ZFAT: variants seen among roughly 807,000 people sequenced by gnomAD.
The protein encoded by ZFAT is zinc finger protein ZFAT.
Under a neutral mutation model 117.7 loss-of-function variants are expected in ZFAT, and 64 were observed. That is an observed-to-expected ratio of 0.54 (90% CI 0.44 to 0.67). The LOEUF (loss-of-function observed/expected upper bound fraction) is 0.67. ZFAT is among the 30% of genes least tolerant of loss of function. The pLI is 0.00. For synonymous variants in ZFAT, 679 were observed against 615.0 expected (o/e 1.10, Z -1.54); for missense variants, 1,433 against 1,584.5 (o/e 0.90, Z 1.62).
At chr8:134,682,609 T>C (rs1476998772) in intron 1 of ZFAT, among the ~76,000 whole-genome samples, 1 of 152,214 alleles carries the variant, frequency 6.6e-6, no homozygotes, top group Non-Finnish European at 1.5e-5. Flanking sequence ...GAGCAGAGAT[T>C]GTGCCATTGC....
intron 10 of ZFAT, among the ~76,000 whole-genome samples, chr8:134,576,757 G>T (rs1360364873): frequency 6.6e-6 from 1 of 151,872 alleles, no homozygotes; most frequent in African/African-American, 2.4e-5. Flanking sequence ...AATTGAAGAA[G>T]GGACAGAAAA....
chr8:134,806,547 G>A, the ZFAT span, among the ~76,000 whole-genome samples: 1 of 152,132 alleles, frequency 6.6e-6, no homozygotes, highest in Non-Finnish European at 1.5e-5. Context: ...GACTAATGAG[G>A]ATGCTGCACA....
At chr8:134,623,585 C>T (rs1428302836) in intron 3 of ZFAT, among the ~76,000 whole-genome samples, 2 of 152,190 alleles carry the variant, frequency 1.3e-5, no homozygotes, top group African/African-American at 2.4e-5. Context: ...CTCCCCTCTG[C>T]GAACTCTGCC....
intron 1 of ZFAT, among the ~76,000 whole-genome samples, chr8:134,681,661 T>C (rs893320749): frequency 1.3e-5 from 2 of 152,244 alleles, no homozygotes; most frequent in South Asian, 2.1e-4. Flanking sequence ...CTTGTATTTA[T>C]TAACTTTAGA....
rs765950208 is a variant in ZFAT at position 134,637,626 on chromosome 8, C to T, written c.283G>A (p.Val95Met). ...STEEELAENI[V>M]SPTEDSPLAP... The stretch of plus-strand genomic sequence containing the variant: ...AGCGGGCTGTCCTCAGTCGGACTCA[C>T]GATGTTTTCTGCCAGCTCCTCTTCT... The change falls in exon 3 of 16, where the codon GTG (valine) becomes ATG (methionine). Residue 95 changes from valine (V) to methionine (M), a missense_variant. Around this residue, in one of 5 missense-constraint regions of ZFAT, gnomAD observed 436 missense variants for 482.0 expected, o/e 0.90. Transcript: ENST00000377838. 2.0e-5 allele frequency: 33 copies of T among 1,614,112 alleles called. No homozygotes were observed. Among genetic ancestry groups the T allele is most frequent in the Middle Eastern group, 3.3e-4 (2 of 6,080 alleles).
chr8:134,580,767 A>G (rs1256284025), intron 10 of ZFAT, among the ~76,000 whole-genome samples: 1 of 152,236 alleles, frequency 6.6e-6, no homozygotes, highest in Admixed American at 6.5e-5. Context: ...TGAGTCAATG[A>G]TAACTGTTTG....
In ZFAT at chr8:134,478,903, G is replaced by C. The variant is rs1423089428; in HGVS notation, c.3493-182C>G. Among the ~76,000 whole-genome samples, 3 of 152,188 alleles carry C rather than the reference G, an allele frequency of 2.0e-5. No homozygotes were observed. The highest frequency in any genetic ancestry group is 4.4e-5 in the Non-Finnish European group (3 of 68,036). On this transcript the variant is annotated intron_variant, in intron 15 of 15. Coordinates refer to ENST00000377838, the MANE Select transcript of ZFAT (RefSeq NM_020863.4). The surrounding 1 kb of genome is among the most constrained non-coding windows in gnomAD (Gnocchi z 5.2). The stretch of plus-strand genomic sequence containing the variant: ...CCATTTTACAGCTGAACAGAATGAG[G>C]TTCAGCAATGTAGGGCAACGTGGTC...
intron 10 of ZFAT, among the ~76,000 whole-genome samples, chr8:134,581,879 T>C (rs1223955514): frequency 1.3e-5 from 2 of 152,160 alleles, no homozygotes; most frequent in Non-Finnish European, 2.9e-5. Flanking sequence ...CATGAGCCAC[T>C]GTGCCCGACC....
the ZFAT span, among the ~76,000 whole-genome samples, chr8:134,830,234 T>C: frequency 7.2e-5 from 11 of 152,216 alleles, no homozygotes; most frequent in African/African-American, 2.7e-4. Context: ...AATAATCTTT[T>C]CAGGTTGTAA....
Position 134,478,161 on chromosome 8 carries a change from G to T in ZFAT, c.*321C>A, listed in dbSNP as rs1463352741. 2 of 347,526 alleles carry T rather than the reference G, an allele frequency of 5.8e-6. No homozygotes were observed. The highest frequency in any genetic ancestry group is 1.1e-5 in the Non-Finnish European group (2 of 187,032). The allele number at this position is 347,526 out of a possible 1,614,324, so 21.5% of individuals were successfully genotyped here. ...CAGGGAAGATGCTGAGGGGGACTGG[G>T]AGTCTCTGTTTGAATCTTGAAGCAA... On this transcript the variant is annotated 3_prime_UTR_variant, in exon 16 of 16. Coordinates refer to ENST00000377838, the MANE Select transcript of ZFAT (RefSeq NM_020863.4). The surrounding 1 kb of genome is among the most constrained non-coding windows in gnomAD (Gnocchi z 5.2).
intron 3 of ZFAT, among the ~76,000 whole-genome samples, chr8:134,613,720 G>A (rs1008914679): frequency 1.3e-5 from 2 of 152,208 alleles, no homozygotes; most frequent in Non-Finnish European, 2.9e-5. Flanking sequence ...AATGGGCTCT[G>A]AGGAGAAGGG....
the ZFAT span, among the ~76,000 whole-genome samples, chr8:134,831,210 C>T: frequency 1.3e-5 from 2 of 152,206 alleles, no homozygotes; most frequent in South Asian, 4.1e-4. Flanking sequence ...ACACACATCA[C>T]CTTGCTTCGG....
the ZFAT span, chr8:134,795,653 C>T: frequency 2.0e-5 from 3 of 152,150 alleles, no homozygotes; most frequent in Non-Finnish European, 2.9e-5. Flanking sequence ...GACTGGAGAA[C>T]AGATAATAGA....
intron 11 of ZFAT, among the ~76,000 whole-genome samples, chr8:134,544,487 A>T (rs1822544625): frequency 6.6e-6 from 1 of 151,738 alleles, no homozygotes; most frequent in African/African-American, 2.4e-5. Context: ...TTTAAGAGAC[A>T]TCATAAAGAA....
intron 1 of ZFAT, among the ~76,000 whole-genome samples, chr8:134,704,165 CT>C (rs893319914): frequency 1.3e-5 from 2 of 152,184 alleles, no homozygotes; most frequent in Non-Finnish European, 2.9e-5. Context: ...GCCTGGTTCC[CT>C]GTGGGGCTCT....
At chr8:134,755,235 C>T in the ZFAT span, among the ~76,000 whole-genome samples, 1 of 138,856 alleles carries the variant, frequency 7.2e-6, no homozygotes, top group Non-Finnish European at 1.5e-5. Context: ...GAAACCCCGT[C>T]TCTACTAAAA....
the ZFAT span, among the ~76,000 whole-genome samples, chr8:134,725,770 G>A: frequency 6.6e-6 from 1 of 151,744 alleles, no homozygotes; most frequent in Non-Finnish European, 1.5e-5. Flanking sequence ...GCCCTTTTTG[G>A]TAAGTTAATT....
At chr8:134,489,618 A>G (rs1220387974) in intron 15 of ZFAT, among the ~76,000 whole-genome samples, 1 of 152,106 alleles carries the variant, frequency 6.6e-6, no homozygotes, top group Non-Finnish European at 1.5e-5. Flanking sequence ...TAAGTGGCAT[A>G]GGGCCCCAGC....
chr8:134,747,091 CT>C, the ZFAT span, among the ~76,000 whole-genome samples: 10 of 151,254 alleles, frequency 6.6e-5, no homozygotes, highest in Non-Finnish European at 1.5e-4. Flanking sequence ...TTCTAAAGAT[CT>C]TTTTTTTTCT....
Sources: allele counts gnomAD v4.1 joint callset (sites outside exome capture counted in the v4.1 genomes callset), GRCh38; gene constraint gnomAD v4.1.1; regional missense constraint gnomAD v4.1.1; non-coding constraint Gnocchi (gnomAD v3.1); transcripts MANE v1.5; gene names NCBI Gene and HGNC (gene_info 2026-07-23, HGNC 2026-07-21).